RABGAP1L: variants seen among roughly 807,000 people sequenced by gnomAD.
The protein encoded by RABGAP1L is RAB GTPase activating protein 1 like.
RABGAP1L carries 63 observed loss-of-function variants against 137.7 expected under a neutral mutation model. The observed-to-expected ratio is 0.46, with a 90% confidence interval of 0.37 to 0.56. RABGAP1L has a LOEUF of 0.56. Among genes scored for constraint, RABGAP1L ranks in the 20% least tolerant of loss-of-function variants. The probability of loss-of-function intolerance (pLI) is 0.00; values close to 1 mark genes in which losing one functional copy is unlikely to be tolerated. For synonymous variants in RABGAP1L, 431 were observed against 433.7 expected (o/e 0.99, Z 0.08); for missense variants, 1,095 against 1,244.0 (o/e 0.88, Z 1.80).
intron 14 of RABGAP1L, among the ~76,000 whole-genome samples, chr1:174,652,062 C>G (rs567371980): frequency 8.5e-5 from 13 of 152,142 alleles, no homozygotes; most frequent in Non-Finnish European, 1.5e-4. Context: ...ATTTGTTTGT[C>G]TGTAAAGTAT....
At chr1:174,676,585 A>G (rs1677646582) in intron 14 of RABGAP1L, among the ~76,000 whole-genome samples, 1 of 152,224 alleles carries the variant, frequency 6.6e-6, no homozygotes, top group South Asian at 2.1e-4. Flanking sequence ...AAAATATAAA[A>G]GGATTATTTG....
At chr1:174,869,106 GCCCC>G (rs1208511550) in intron 19 of RABGAP1L, among the ~76,000 whole-genome samples, 1 of 151,788 alleles carries the variant, frequency 6.6e-6, no homozygotes, top group Non-Finnish European at 1.5e-5. Context: ...AAATAGTTTT[GCCCC>G]CTGTACATCA....
At chr1:174,175,936 A>G (rs1665812498) in intron 1 of RABGAP1L, among the ~76,000 whole-genome samples, 1 of 151,994 alleles carries the variant, frequency 6.6e-6, no homozygotes, top group Non-Finnish European at 1.5e-5. Context: ...GTATTACTTA[A>G]TTCTTATAAT....
intron 19 of RABGAP1L, among the ~76,000 whole-genome samples, chr1:174,909,222 G>GT (rs1000034691): frequency 1.1e-4 from 17 of 149,940 alleles, no homozygotes; most frequent in South Asian, 2.1e-4. Context: ...TTTTTAAAAG[G>GT]TTTTTTTTTG....
chr1:174,662,309 A>G (rs1456325849), intron 14 of RABGAP1L, among the ~76,000 whole-genome samples: 2 of 151,930 alleles, frequency 1.3e-5, no homozygotes, highest in African/African-American at 2.4e-5. Flanking sequence ...TCACCATGTT[A>G]GTCAGGCTGA....
intron 13 of RABGAP1L, among the ~76,000 whole-genome samples, chr1:174,605,863 T>G (rs1670753470): frequency 6.6e-6 from 1 of 152,222 alleles, no homozygotes; most frequent in Non-Finnish European, 1.5e-5. Context: ...TTTCTATTTG[T>G]AAATTGATGA....
chr1:174,706,225 T>C (rs1293350075), intron 17 of RABGAP1L, among the ~76,000 whole-genome samples: 2 of 152,182 alleles, frequency 1.3e-5, no homozygotes, highest in Non-Finnish European at 2.9e-5. Context: ...ACCTTGACAA[T>C]GCAGCCTGAC....
chr1:174,396,537 AT>A (rs1214603238), intron 13 of RABGAP1L, among the ~76,000 whole-genome samples: 1 of 151,944 alleles, frequency 6.6e-6, no homozygotes, highest in Non-Finnish European at 1.5e-5. Context: ...GGAGTATCTG[AT>A]TGAAATTTTC....
At chr1:174,249,603 T>G (rs79736781) in intron 5 of RABGAP1L, among the ~76,000 whole-genome samples, 1 of 147,690 alleles carries the variant, frequency 6.8e-6, no homozygotes, top group Non-Finnish European at 1.5e-5. Context: ...AAAGATAGCT[T>G]TTTTTTTTTT....
chr1:174,422,094 A>G (rs1269937530), intron 13 of RABGAP1L, among the ~76,000 whole-genome samples: 1 of 152,116 alleles, frequency 6.6e-6, no homozygotes, highest in Non-Finnish European at 1.5e-5. Flanking sequence ...TCATCATTCC[A>G]GGATTGGTTT....
chr1:174,332,785 TA>T (rs1379258606), intron 11 of RABGAP1L, among the ~76,000 whole-genome samples: 1 of 151,902 alleles, frequency 6.6e-6, no homozygotes, highest in Non-Finnish European at 1.5e-5. Flanking sequence ...CAGAAAATTA[TA>T]AAAGTTAAAA....
At chr1:174,552,738 C>T (rs914972988) in intron 13 of RABGAP1L, among the ~76,000 whole-genome samples, 1 of 152,152 alleles carries the variant, frequency 6.6e-6, no homozygotes, top group South Asian at 2.1e-4. Flanking sequence ...CGGGTATATA[C>T]TCAGTAATGG....
chr1:174,868,054 C>T (rs753671539), intron 19 of RABGAP1L, among the ~76,000 whole-genome samples: 19 of 152,084 alleles, frequency 1.2e-4, no homozygotes, highest in Non-Finnish European at 8.8e-5. Flanking sequence ...CAGCCTCCGC[C>T]GCCTGGGGTT....
intron 12 of RABGAP1L, among the ~76,000 whole-genome samples, chr1:174,387,207 T>C (rs1686866120): frequency 6.6e-6 from 1 of 152,242 alleles, no homozygotes; most frequent in Non-Finnish European, 1.5e-5. Context: ...ACCACTTTTT[T>C]TCCTGTAAAA....
chr1:174,389,777 A>G (rs1031412265), intron 12 of RABGAP1L, among the ~76,000 whole-genome samples: 1 of 152,188 alleles, frequency 6.6e-6, no homozygotes, highest in Non-Finnish European at 1.5e-5. Flanking sequence ...ATATAAGTAA[A>G]GAAGACAAAG....
chr1:174,376,565 TATATC>T lies in RABGAP1L; in HGVS notation c.1559+5495_1559+5499del, dbSNP rs374270698. On this transcript the variant is annotated intron_variant, in intron 12 of 25. Coordinates refer to ENST00000681986, the MANE Select transcript of RABGAP1L (RefSeq NM_001366446.1). ...TGAAAATAAATCAGTGTTATTCACT[TATATC>T]AATAGGCTAAAGAAGAAAAACCATA... is the stretch of plus-strand genomic sequence containing the variant. 2.8e-4 allele frequency among the ~76,000 whole-genome samples: 42 copies of T among 152,322 alleles called. 3 individuals carry two copies. The East Asian group carries it at 3.7e-3, about 13-fold the overall frequency.
chr1:174,867,335 C>G lies in RABGAP1L; in HGVS notation c.2340+55375C>G, dbSNP rs181670345. Among the ~76,000 whole-genome samples the G allele has an allele frequency of 4.1e-4, 62 of 149,780 alleles. 2 individuals are homozygous for G. In the South Asian group the frequency reaches 9.1e-3, roughly 22 times the overall value. On this transcript the variant is annotated intron_variant, in intron 19 of 25. Transcript: ENST00000681986. ...GGTGGAGGTTGCAGTGGGCCGAGATCGCGCCAAAAAAAAAAGATAGATAGA... is the reference window on the plus strand; with the variant it reads ...GGTGGAGGTTGCAGTGGGCCGAGATGGCGCCAAAAAAAAAAGATAGATAGA...
intron 7 of RABGAP1L, among the ~76,000 whole-genome samples, chr1:174,255,107 CAT>C (rs10570789): frequency 0.064 from 9,687 of 152,006 alleles, 996 homozygotes; most frequent in African/African-American, 0.22. Context: ...AGCTTTTTTT[CAT>C]ATGTTTGTTG....
At chr1:174,847,353 C>T (rs1264634442) in intron 19 of RABGAP1L, among the ~76,000 whole-genome samples, 2 of 151,592 alleles carry the variant, frequency 1.3e-5, no homozygotes, top group Non-Finnish European at 2.9e-5. Flanking sequence ...CATGATTTTG[C>T]AGCGGCTGGT....
Sources: allele counts gnomAD v4.1 joint callset (sites outside exome capture counted in the v4.1 genomes callset), GRCh38; gene constraint gnomAD v4.1.1; transcripts MANE v1.5; gene names NCBI Gene and HGNC (gene_info 2026-07-23, HGNC 2026-07-21).